The following COL7A1 variants were observed in gnomAD, a reference collection of about 807,000 sequenced individuals.
The protein encoded by COL7A1 is collagen alpha-1(VII) chain.
A neutral mutation model predicts 456.2 loss-of-function variants in COL7A1; 296 were observed. That is an observed-to-expected ratio of 0.65 (90% CI 0.59 to 0.71). COL7A1 has a LOEUF of 0.71. Ranked by LOEUF, COL7A1 falls within the 30% of genes least tolerant of loss-of-function variation. The pLI, the probability that COL7A1 is intolerant of heterozygous loss-of-function variation, is 0.00. For missense variants in COL7A1, 3,441 were observed against 4,017.2 expected, an observed-to-expected ratio of 0.86 and a Z score of 3.88; for synonymous variants, 1,464 against 1,525.9, an observed-to-expected ratio of 0.96 and a Z score of 0.95.
Position 48,564,475 on chromosome 3 carries a change from C to T in COL7A1, c.8819-53G>A, listed in dbSNP as rs373279189. ...TCAGCCATCTGACCTTCCCCGGAGACGCTCAGGCAGAGGCACCGCCAAGGG... is the reference window on the plus strand; with the variant it reads ...TCAGCCATCTGACCTTCCCCGGAGATGCTCAGGCAGAGGCACCGCCAAGGG... On this transcript the variant is annotated intron_variant, in intron 118 of 118. Coordinates refer to ENST00000681320, the MANE Select transcript of COL7A1 (RefSeq NM_000094.4). The surrounding 1 kb of genome is among the most constrained non-coding windows in gnomAD (Gnocchi z 6.0). The T allele has an allele frequency of 2.8e-4, 444 of 1,609,984 alleles. No individual in the cohort carries two copies. Among genetic ancestry groups the T allele is most frequent in the East Asian group, 3.1e-4 (14 of 44,760 alleles).
In COL7A1 at chr3:48,583,394, T is replaced by G; in HGVS notation, c.4436A>C (p.Lys1479Thr). The G allele has an allele frequency of 6.2e-7, 1 of 1,614,130 alleles. No homozygotes were observed. The highest frequency in any genetic ancestry group is 8.5e-7 in the Non-Finnish European group (1 of 1,179,986). The change falls in exon 42 of 119, where the codon AAA (lysine) becomes ACA (threonine). Residue 1479 changes from lysine to threonine, a missense_variant and splice_region_variant. Lys to Thr is a moderately conservative substitution (Grantham distance 78). Transcript: ENST00000681320. This position sits in a 1 kb window ranked among gnomAD's most constrained non-coding sequence, Gnocchi z 5.1. ...CTGAATCCCCCAACTGGTACTCACTTTGGGGCCAATAGCTCCAGGAGGTCC... is the reference window on the plus strand; with the variant it reads ...CTGAATCCCCCAACTGGTACTCACTGTGGGGCCAATAGCTCCAGGAGGTCC... Reference protein sequence around the residue: ...PRGPPGAIGPKGDRGFPGPLG... With the variant: ...PRGPPGAIGPTGDRGFPGPLG...
In COL7A1 at chr3:48,570,514, T is replaced by C; in HGVS notation, c.7345-14A>G. On this transcript the variant is annotated splice_polypyrimidine_tract_variant and intron_variant, in intron 96 of 118. Transcript: ENST00000681320. The surrounding 1 kb of genome is among the most constrained non-coding windows in gnomAD (Gnocchi z 5.5). ...CCCAGGTGGTCCCTGTAGGTCAGAG[T>C]GAGGTGAGGGTCCTGTGGCTCTCAA... 1.9e-6 allele frequency: 3 copies of C among 1,613,882 alleles called. No homozygotes were observed. In the African/African-American group the frequency reaches 4.0e-5, roughly 22 times the overall value.
rs776540069 is a variant in COL7A1 at position 48,593,211 on chromosome 3, G to C, written c.573C>G (p.Thr191=). The C allele has an allele frequency of 8.1e-6, 13 of 1,614,028 alleles. No homozygotes were observed. Among genetic ancestry groups the C allele is most frequent in the Admixed American group, 1.7e-5 (1 of 60,010 alleles). The change falls in exon 6 of 119, where the codon ACC becomes ACG. Residue 191 remains threonine, a synonymous_variant. Transcript: ENST00000681320. The surrounding 1 kb of genome is among the most constrained non-coding windows in gnomAD (Gnocchi z 4.4). ...EELKRVASQP[T]SDFFFFVNDF... The stretch of plus-strand genomic sequence containing the variant: ...CATTGACGAAGAAGAAGAAGTCACT[G>C]GTGGGCTGTGAGGCAACTCGCTTCA...
chr3:48,580,190 C>T lies in COL7A1; in HGVS notation c.5097+110G>A. 6.5e-7 allele frequency: 1 copy of T among 1,533,326 alleles called. No individual in the cohort carries two copies. The highest frequency in any genetic ancestry group is 1.8e-5 in the Admixed American group (1 of 54,732). The allele number at this position is 1,533,326 out of a possible 1,614,324, so 95.0% of individuals were successfully genotyped here. ...GCCAGCCCCCAGCAGGCATGGGTGG[C>T]CATCCATGCTTCCCACCTGGACCTC... On this transcript the variant is annotated intron_variant, in intron 56 of 118. Coordinates refer to ENST00000681320, the MANE Select transcript of COL7A1 (RefSeq NM_000094.4). The surrounding 1 kb of genome is among the most constrained non-coding windows in gnomAD (Gnocchi z 4.5).
At position 48,585,177 on chromosome 3, in the gene COL7A1, GA is replaced by G; in HGVS notation, c.3895-62del. ...CTCCCCCAAGGCCCCTGGTTTGCTG[GA>G]GGGGCCTCACCCCATCAACAAGGGG... On this transcript the variant is annotated intron_variant, in intron 32 of 118. Coordinates refer to ENST00000681320, the MANE Select transcript of COL7A1 (RefSeq NM_000094.4). The surrounding 1 kb of genome is among the most constrained non-coding windows in gnomAD (Gnocchi z 4.5). The G allele has an allele frequency of 5.8e-6, 9 of 1,546,064 alleles. No homozygotes were observed. The highest frequency in any genetic ancestry group is 7.1e-6 in the Non-Finnish European group (8 of 1,130,134).
At position 48,581,288 on chromosome 3, in the gene COL7A1, G is replaced by A. The variant is rs1426384303; in HGVS notation, c.4871C>T (p.Pro1624Leu). 1 of 1,613,412 alleles carries A rather than the reference G, an allele frequency of 6.2e-7. No homozygotes were observed. The highest frequency in any genetic ancestry group is 2.2e-5 in the East Asian group (1 of 44,866). Reference protein sequence around the residue: ...EKGDPGRPGPPGPVGPRGRDG... With the variant: ...EKGDPGRPGPLGPVGPRGRDG... ...TCGTCCTCGGGGGCCAACAGGTCCT[G>A]GGGGGCCAGGCCGCCCAGGGTCTCC... The change falls in exon 52 of 119, where the codon CCA becomes CTA. Residue 1624 changes from proline (P) to leucine (L), a missense_variant. Physicochemically the swap from Pro to Leu is moderately conservative, Grantham distance 98. This residue lies in a region of COL7A1 where 2,084 missense variants were observed against 2,501.3 expected (regional missense o/e 0.83). Coordinates refer to ENST00000681320, the MANE Select transcript of COL7A1 (RefSeq NM_000094.4). This position sits in a 1 kb window ranked among gnomAD's most constrained non-coding sequence, Gnocchi z 5.8.
rs983244675 is a variant in COL7A1 at position 48,584,367 on chromosome 3, A to G, written c.4128T>C (p.Pro1376=). ...GGTCCCCCAGTGGTCCACGAGGTCC[A>G]GGGGGGCCCTGATGGAGGAGACAAA... ...RKGDPGPSGP[P]GPRGPLGDPG... is the part of the protein sequence containing the mutation. The change falls in exon 37 of 119, where the codon CCT becomes CCC. Residue 1376 remains proline (P), a synonymous_variant. Coordinates refer to ENST00000681320, the MANE Select transcript of COL7A1 (RefSeq NM_000094.4). 1.2e-6 allele frequency: 2 copies of G among 1,613,578 alleles called. No homozygotes were observed. The highest frequency in any genetic ancestry group is 1.7e-6 in the Non-Finnish European group (2 of 1,179,794).
chr3:48,574,867 T>C lies in COL7A1; in HGVS notation c.6280-2A>G. The C allele has an allele frequency of 6.2e-7, 1 of 1,613,614 alleles. No individual in the cohort carries two copies. The highest frequency in any genetic ancestry group is 8.5e-7 in the Non-Finnish European group (1 of 1,179,908). Reference sequence around the variant, plus strand: ...AGGACCTGGCTCATCCACAGACACCTACAAACACAAGGTCACAGGGGAGAG... The same window carrying C: ...AGGACCTGGCTCATCCACAGACACCCACAAACACAAGGTCACAGGGGAGAG... On this transcript the variant is annotated splice_acceptor_variant, in intron 76 of 118. Transcript: ENST00000681320. LOFTEE classifies it high-confidence loss of function. The surrounding 1 kb of genome is among the most constrained non-coding windows in gnomAD (Gnocchi z 5.0).
chr3:48,564,691 G>T lies in COL7A1; in HGVS notation c.8818+92C>A. The T allele has an allele frequency of 7.0e-7, 1 of 1,427,906 alleles. No homozygotes were observed. Among genetic ancestry groups the T allele is most frequent in the Non-Finnish European group, 9.5e-7 (1 of 1,048,754 alleles). The allele number at this position is 1,427,906 out of a possible 1,614,324, so 88.5% of individuals were successfully genotyped here. ...GAGGGAGCGTCTCCTCCAGGACCCT[G>T]ACCTGGAACCCTGGCCCAAGGACTC... On this transcript the variant is annotated intron_variant, in intron 118 of 118. Transcript: ENST00000681320. This position sits in a 1 kb window ranked among gnomAD's most constrained non-coding sequence, Gnocchi z 6.0.
At position 48,574,588 on chromosome 3, in the gene COL7A1, T is replaced by G; in HGVS notation, c.6394-38A>C. 6.2e-7 allele frequency: 1 copy of G among 1,613,752 alleles called. No homozygotes were observed. The highest frequency in any genetic ancestry group is 2.2e-5 in the East Asian group (1 of 44,886). Reference sequence around the variant, plus strand: ...TGTCGTGCCCTGAGCCCCCAGTCCCTGCCACGTGCCCAGGTGCATATGCAC... The same window carrying G: ...TGTCGTGCCCTGAGCCCCCAGTCCCGGCCACGTGCCCAGGTGCATATGCAC... On this transcript the variant is annotated intron_variant, in intron 78 of 118. Coordinates refer to ENST00000681320, the MANE Select transcript of COL7A1 (RefSeq NM_000094.4). The surrounding 1 kb of genome is among the most constrained non-coding windows in gnomAD (Gnocchi z 5.0).
In COL7A1 at chr3:48,564,698, A is replaced by G; in HGVS notation, c.8818+85T>C. 6.9e-7 allele frequency: 1 copy of G among 1,458,602 alleles called. No homozygotes were observed. Among genetic ancestry groups the G allele is most frequent in the Non-Finnish European group, 9.3e-7 (1 of 1,073,534 alleles). 90.4% of individuals were successfully genotyped at this position (1,458,602 alleles called of 1,614,324 possible). A position where few individuals can be genotyped will look rare whatever the true frequency, so the allele number is the denominator to read the frequency against. ...CGTCTCCTCCAGGACCCTGACCTGG[A>G]ACCCTGGCCCAAGGACTCCTCCCCC... On this transcript the variant is annotated intron_variant, in intron 118 of 118. Coordinates refer to ENST00000681320, the MANE Select transcript of COL7A1 (RefSeq NM_000094.4). This position sits in a 1 kb window ranked among gnomAD's most constrained non-coding sequence, Gnocchi z 6.0.
rs1208522949 is a variant in COL7A1, at chr3:48,582,475, C to T, written c.4599+3G>A. The T allele has an allele frequency of 1.9e-6, 3 of 1,614,150 alleles. No homozygotes were observed. The highest frequency in any genetic ancestry group is 4.5e-5 in the East Asian group (2 of 44,878). On this transcript the variant is annotated splice_donor_region_variant and intron_variant, in intron 46 of 118. Coordinates refer to ENST00000681320, the MANE Select transcript of COL7A1 (RefSeq NM_000094.4). ...ACAGTGCCACCCCCAGCCGAGGACC[C>T]ACCTTCTCTCCTTGGCGGCCAGTGG...
Position 48,581,409 on chromosome 3 carries a change from C to T in COL7A1, c.4818+39G>A. The T allele has an allele frequency of 1.9e-6, 3 of 1,613,830 alleles. No individual in the cohort carries two copies. The highest frequency in any genetic ancestry group is 1.6e-4 in the Middle Eastern group (1 of 6,062). On this transcript the variant is annotated intron_variant, in intron 51 of 118. Coordinates refer to ENST00000681320, the MANE Select transcript of COL7A1 (RefSeq NM_000094.4). This position sits in a 1 kb window ranked among gnomAD's most constrained non-coding sequence, Gnocchi z 5.8. ...AAGCAGTTCTCAAGGGGAGGGGACCCCAGAAGCCTTGAGGTTGCCCAGGGT... is the reference window on the plus strand; with the variant it reads ...AAGCAGTTCTCAAGGGGAGGGGACCTCAGAAGCCTTGAGGTTGCCCAGGGT...
chr3:48,566,620 C>A lies in COL7A1; in HGVS notation c.8304+40G>T, dbSNP rs754999451. ...CTCTGACCTCAGGGACAACAGAAGT[C>A]ACCCCGATCTCTGACCCAAGCCTTG... On this transcript the variant is annotated intron_variant, in intron 112 of 118. Coordinates refer to ENST00000681320, the MANE Select transcript of COL7A1 (RefSeq NM_000094.4). The surrounding 1 kb of genome is among the most constrained non-coding windows in gnomAD (Gnocchi z 5.9). 10 of 1,614,038 alleles carry A rather than the reference C, an allele frequency of 6.2e-6. No homozygotes were observed. Among genetic ancestry groups the A allele is most frequent in the Non-Finnish European group, 8.5e-6 (10 of 1,180,008 alleles).
Position 48,567,884 on chromosome 3 carries a change from C to T in COL7A1, c.7883G>A (p.Arg2628Gln), listed in dbSNP as rs373590491. ...AAGGCCACAGGCTCCCTTCACTCCC[C>T]GTTCACCCTGAGGGAGAAAAGCAGA... ...FMGPRGLKGE[R>Q]GVKGACGLDG... The change falls in exon 107 of 119, where the codon CGG becomes CAG. Residue 2628 changes from arginine (R) to glutamine (Q), a missense_variant. Physicochemically the swap from Arg to Gln is conservative, Grantham distance 43. Around this residue, in one of 3 missense-constraint regions of COL7A1, gnomAD observed 2,084 missense variants for 2,501.3 expected, o/e 0.83. Coordinates refer to ENST00000681320, the MANE Select transcript of COL7A1 (RefSeq NM_000094.4). This position sits in a 1 kb window ranked among gnomAD's most constrained non-coding sequence, Gnocchi z 4.3. The T allele has an allele frequency of 1.9e-5, 30 of 1,614,046 alleles. No individual in the cohort carries two copies. Among genetic ancestry groups the T allele is most frequent in the African/African-American group, 5.3e-5 (4 of 74,904 alleles).
At position 48,579,053 on chromosome 3, in the gene COL7A1, G is replaced by C; in HGVS notation, c.5389-99C>G. On this transcript the variant is annotated intron_variant, in intron 62 of 118. Coordinates refer to ENST00000681320, the MANE Select transcript of COL7A1 (RefSeq NM_000094.4). The surrounding 1 kb of genome is among the most constrained non-coding windows in gnomAD (Gnocchi z 4.4). Reference sequence around the variant, plus strand: ...GCATGGCAAGAACATGCCCCACCCAGGCAGGGCTCTGGGAGAAGACACAGA... The same window carrying C: ...GCATGGCAAGAACATGCCCCACCCACGCAGGGCTCTGGGAGAAGACACAGA... 6.3e-7 allele frequency: 1 copy of C among 1,575,410 alleles called. No individual in the cohort carries two copies. Among genetic ancestry groups the C allele is most frequent in the African/African-American group, 1.3e-5 (1 of 74,268 alleles).
chr3:48,591,378 G>A lies in COL7A1; in HGVS notation c.1636+86C>T. The A allele has an allele frequency of 6.4e-7, 1 of 1,558,840 alleles. No homozygotes were observed. Among genetic ancestry groups the A allele is most frequent in the Non-Finnish European group, 8.8e-7 (1 of 1,141,200 alleles). On this transcript the variant is annotated intron_variant, in intron 13 of 118. Coordinates refer to ENST00000681320, the MANE Select transcript of COL7A1 (RefSeq NM_000094.4). This position sits in a 1 kb window ranked among gnomAD's most constrained non-coding sequence, Gnocchi z 7.0. Reference sequence around the variant, plus strand: ...GAGGAGACTATAGGGACCCAGGTGTGGAAGGAGAGGGCTGGAGGTACACTC... The same window carrying A: ...GAGGAGACTATAGGGACCCAGGTGTAGAAGGAGAGGGCTGGAGGTACACTC...
At position 48,590,570 on chromosome 3, in the gene COL7A1, G is replaced by A. The variant is rs776377027; in HGVS notation, c.1795C>T (p.Leu599Phe). 7.4e-6 allele frequency: 12 copies of A among 1,614,074 alleles called. No individual in the cohort carries two copies. Among genetic ancestry groups the A allele is most frequent in the South Asian group, 4.4e-5 (4 of 91,094 alleles). Reference sequence around the variant, plus strand: ...ACAACCCGCAGCCCTGGAACAGCAAGTGGAGTTTCCGGCTCTAGGAGTTAC... The same window carrying A: ...ACAACCCGCAGCCCTGGAACAGCAAATGGAGTTTCCGGCTCTAGGAGTTAC... Reference protein sequence around the residue: ...LTVRREPETPLAVPGLRVVVS... With the variant: ...LTVRREPETPFAVPGLRVVVS... The change falls in exon 15 of 119, where the codon CTT (leucine) becomes TTT (phenylalanine). Residue 599 changes from leucine to phenylalanine, a missense_variant. By Grantham distance (22) the Leu-to-Phe change is conservative. This residue lies in a region of COL7A1 where 913 missense variants were observed against 1,088.2 expected (regional missense o/e 0.84). Coordinates refer to ENST00000681320, the MANE Select transcript of COL7A1 (RefSeq NM_000094.4). This position sits in a 1 kb window ranked among gnomAD's most constrained non-coding sequence, Gnocchi z 4.6.
rs2043765551 is a variant in COL7A1 at position 48,569,290 on chromosome 3, G to T, written c.7686+85C>A. 1.9e-5 allele frequency: 29 copies of T among 1,524,340 alleles called. No homozygotes were observed. The highest frequency in any genetic ancestry group is 2.4e-5 in the Non-Finnish European group (26 of 1,098,774). The allele number at this position is 1,524,340 out of a possible 1,614,324, so 94.4% of individuals were successfully genotyped here. On this transcript the variant is annotated intron_variant, in intron 103 of 118. Transcript: ENST00000681320. The surrounding 1 kb of genome is among the most constrained non-coding windows in gnomAD (Gnocchi z 4.9). Reference sequence around the variant, plus strand: ...CCTAAACCCCAGAAAGCCTCCTCCTGTCCTCCCCTCCTGCCCTCACAGATG... The same window carrying T: ...CCTAAACCCCAGAAAGCCTCCTCCTTTCCTCCCCTCCTGCCCTCACAGATG...
Sources: allele counts gnomAD v4.1 joint callset, GRCh38; gene constraint gnomAD v4.1.1; regional missense constraint gnomAD v4.1.1; non-coding constraint Gnocchi (gnomAD v3.1); transcripts MANE v1.5; gene names NCBI Gene and HGNC (gene_info 2026-07-23, HGNC 2026-07-21).